Variants in NR1H3 observed in about 807,000 individuals in gnomAD.
The protein encoded by NR1H3 is oxysterols receptor LXR-alpha.
NR1H3 carries 19 observed loss-of-function variants against 48.1 expected under a neutral mutation model. The ratio of observed to expected loss-of-function variants is 0.40; its 90% CI spans 0.28 to 0.58. The LOEUF (loss-of-function observed/expected upper bound fraction) is 0.58, where lower values mean the gene tolerates loss of function less well. NR1H3 is among the 20% of genes least tolerant of loss of function. NR1H3 has a pLI of 0.50. For missense variants in NR1H3, 486 were observed against 595.9 expected (o/e 0.82, Z 1.92); for synonymous variants, 232 against 227.3 (o/e 1.02, Z -0.19).
At chr11:47,260,375 G>T (rs371886672) in intron 3 of NR1H3, 34 bp from the exon 4 acceptor site, 3 of 1,577,744 alleles carry the variant, frequency 1.9e-6, no homozygotes, top group South Asian at 1.2e-5. Flanking sequence ...GTTTTTCCTC[G>T]GGGGAGAGCG....
chr11:47,255,615 C>CTCTCTCTCTT (rs1554981334), upstream of NR1H3, among the ~76,000 whole-genome samples: 5 of 93,202 alleles, frequency 5.4e-5, no homozygotes, highest in African/African-American at 1.9e-4. Flanking sequence ...CTCTCTCTCT[C>CTCTCTCTCTT]TCTTTCTTTC....
chr11:47,267,485 T>C (rs908524382), intron 7 of NR1H3, among the ~76,000 whole-genome samples: 4 of 151,768 alleles, frequency 2.6e-5, no homozygotes, highest in African/African-American at 9.7e-5. Context: ...AGACATTTGC[T>C]CAAGGTTACA....
chr11:47,250,954 T>A (rs1432870365), intron 1 of NR1H3, among the ~76,000 whole-genome samples: 1 of 151,846 alleles, frequency 6.6e-6, no homozygotes, highest in Admixed American at 6.6e-5. Flanking sequence ...GGTCAGGAGA[T>A]CAAGACCATC....
At chr11:47,258,395 A>G (rs1245744779) in intron 1 of NR1H3, 1 of 169,348 alleles carries the variant, frequency 5.9e-6, no homozygotes, top group Non-Finnish European at 1.2e-5. Context: ...GTTCTCTAAT[A>G]AGCAGCGTGT....
exon 1 of NR1H3, chr11:47,248,972 T>G (rs1238791297): frequency 2.0e-6 from 3 of 1,521,770 alleles, no homozygotes; most frequent in Non-Finnish European, 2.6e-6. Context: ...AGGGTCGTGG[T>G]CTGGCTGTGG....
chr11:47,268,174 A>G, intron 8 of NR1H3, 87 bp from the exon 9 acceptor site: 2 of 1,312,924 alleles, frequency 1.5e-6, no homozygotes, highest in East Asian at 4.8e-5. Flanking sequence ...GCTTGGCTGG[A>G]GCATGTCTCT....
rs563819504 is a variant in NR1H3 at position 47,248,932 on chromosome 11, A to G, written c.-160A>G. On this transcript the variant is annotated 5_prime_UTR_variant, in exon 1 of 9. Transcript: ENST00000395397. ...AGGGACCTGCTGGGGTGCGGGGAAA[A>G]GGCGCAGTCTCGGTGGGATTGCGTG... 8.6e-5 allele frequency: 132 copies of G among 1,535,040 alleles called. No homozygotes were observed. In the African/African-American group the frequency reaches 1.7e-3, roughly 19 times the overall value.
upstream of NR1H3, chr11:47,248,477 A>C (rs1161630317): frequency 4.5e-6 from 7 of 1,548,942 alleles, no homozygotes; most frequent in Admixed American, 3.9e-5. Flanking sequence ...GTCTCAAGGC[A>C]GACTCACCCC....
chr11:47,256,765 C>T (rs1350690084), upstream of NR1H3, among the ~76,000 whole-genome samples: 2 of 143,604 alleles, frequency 1.4e-5, no homozygotes, highest in African/African-American at 5.2e-5. Context: ...GAGTCTCGCT[C>T]TGTCACTCAG....
upstream of NR1H3, among the ~76,000 whole-genome samples, chr11:47,256,071 GAGTCTC>G (rs1955145252): frequency 6.6e-6 from 1 of 151,560 alleles, no homozygotes; most frequent in Non-Finnish European, 1.5e-5. Context: ...TTTTGAGATG[GAGTCTC>G]AGTCTGTCAC....
upstream of NR1H3, chr11:47,248,475 G>A (rs1459937298): frequency 6.5e-7 from 1 of 1,548,310 alleles, no homozygotes; most frequent in Admixed American, 2.0e-5. Context: ...CTGTCTCAAG[G>A]CAGACTCACC....
chr11:47,252,878 A>G (rs949373462), intron 1 of NR1H3, among the ~76,000 whole-genome samples: 1 of 150,210 alleles, frequency 6.7e-6, no homozygotes, highest in African/African-American at 2.4e-5. Context: ...CCCAGCCGGC[A>G]GTTTTATATA....
intron 7 of NR1H3, among the ~76,000 whole-genome samples, chr11:47,266,784 G>A (rs1037754158): frequency 6.6e-6 from 1 of 151,448 alleles, no homozygotes; most frequent in African/African-American, 2.4e-5. Context: ...TGGAATTACA[G>A]GAGTGCACCA....
chr11:47,249,969 G>A (rs373579127), intron 1 of NR1H3, among the ~76,000 whole-genome samples: 2 of 151,882 alleles, frequency 1.3e-5, no homozygotes, highest in African/African-American at 2.4e-5. Context: ...GTGCAGTGGC[G>A]TGCTCCTGTA....
upstream of NR1H3, among the ~76,000 whole-genome samples, chr11:47,255,538 TC>T (rs2135582668): frequency 1.1e-5 from 1 of 88,492 alleles, no homozygotes; most frequent in South Asian, 4.0e-4. Flanking sequence ...TTTCTTTCTT[TC>T]TTTTTCTTTC....
chr11:47,249,355 A>G (rs1445104584), intron 1 of NR1H3, among the ~76,000 whole-genome samples: 1 of 152,080 alleles, frequency 6.6e-6, no homozygotes, highest in African/African-American at 2.4e-5. Flanking sequence ...AGTCTGGCCT[A>G]CCGTTCCTGC....
upstream of NR1H3, among the ~76,000 whole-genome samples, chr11:47,255,581 C>T (rs1955042601): frequency 2.2e-5 from 2 of 90,602 alleles, no homozygotes; most frequent in African/African-American, 5.9e-5. Flanking sequence ...TTCTTTCTTT[C>T]TTTCTTTCTT....
intron 7 of NR1H3, among the ~76,000 whole-genome samples, chr11:47,265,563 C>CT (rs1292677012): frequency 6.6e-6 from 1 of 152,178 alleles, no homozygotes; most frequent in Non-Finnish European, 1.5e-5. Flanking sequence ...AGCAGGAAGA[C>CT]TGTTTCCAAG....
intron 1 of NR1H3, among the ~76,000 whole-genome samples, chr11:47,250,031 C>T (rs1040933266): frequency 7.9e-5 from 12 of 152,022 alleles, no homozygotes; most frequent in African/African-American, 2.7e-4. Context: ...ACTCGGAAAG[C>T]GGAGGTTGCA....
Sources: allele counts gnomAD v4.1 joint callset (sites outside exome capture counted in the v4.1 genomes callset), GRCh38; gene constraint gnomAD v4.1.1; transcripts MANE v1.5; gene names NCBI Gene and HGNC (gene_info 2026-07-23, HGNC 2026-07-21).